CACNA2D1: variants seen among roughly 807,000 people sequenced by gnomAD.
The protein encoded by CACNA2D1 is calcium voltage-gated channel auxiliary subunit alpha2delta 1.
CACNA2D1 carries 53 observed loss-of-function variants against 171.5 expected under a neutral mutation model. The observed-to-expected ratio is 0.31, with a 90% CI of 0.25 to 0.39. CACNA2D1 has a LOEUF of 0.39. Ranked by LOEUF, CACNA2D1 falls within the 10% of genes least tolerant of loss-of-function variation. CACNA2D1 has a pLI of 1.00. For synonymous variants in CACNA2D1, 442 were observed against 443.1 expected, an observed-to-expected ratio of 1.00 and a Z score of 0.03; for missense variants, 903 against 1,299.8, an observed-to-expected ratio of 0.69 and a Z score of 4.69.
At chr7:82,019,061 TC>T (rs1400414560) in intron 12 of CACNA2D1, among the ~76,000 whole-genome samples, 3 of 151,782 alleles carry the variant, frequency 2.0e-5, no homozygotes, top group Non-Finnish European at 4.4e-5. Context: ...GTGGCTCATG[TC>T]TGTAATTCCA....
At chr7:82,207,350 T>A (rs968563381) in intron 3 of CACNA2D1, among the ~76,000 whole-genome samples, 1 of 152,230 alleles carries the variant, frequency 6.6e-6, no homozygotes, top group East Asian at 1.9e-4. Flanking sequence ...CTGTAATATG[T>A]CTTTTTCTTA....
At chr7:82,100,133 CT>C (rs1486050824) in intron 6 of CACNA2D1, among the ~76,000 whole-genome samples, 1 of 151,866 alleles carries the variant, frequency 6.6e-6, no homozygotes, top group Non-Finnish European at 1.5e-5. Context: ...CTGCAAAAAC[CT>C]TATATAATTT....
chr7:82,359,867 A>G (rs1820888160), intron 1 of CACNA2D1, among the ~76,000 whole-genome samples: 1 of 152,180 alleles, frequency 6.6e-6, no homozygotes, highest in African/African-American at 2.4e-5. Flanking sequence ...AACAGGTAAT[A>G]TCTATTGAGC....
chr7:81,985,196 CTTTTTTTTTT>C (rs774555240), intron 21 of CACNA2D1, among the ~76,000 whole-genome samples: 4 of 104,178 alleles, frequency 3.8e-5, no homozygotes, highest in East Asian at 5.4e-4. Context: ...ATTATCATTA[CTTTTTTTTTT>C]TTTTTTTTTT....
intron 24 of CACNA2D1, 121 bp from the exon 25 acceptor site, chr7:81,974,673 T>A: frequency 1.6e-6 from 1 of 608,248 alleles, no homozygotes. Flanking sequence ...ACTATTGAGC[T>A]TCTTGTTACT....
intron 1 of CACNA2D1, among the ~76,000 whole-genome samples, chr7:82,426,172 T>C (rs1249538187): frequency 8.6e-6 from 1 of 116,532 alleles, no homozygotes; most frequent in Non-Finnish European, 1.7e-5. Context: ...AATAAATAAA[T>C]AAATAAATAC....
chr7:82,235,501 C>G (rs551010873), intron 3 of CACNA2D1, among the ~76,000 whole-genome samples: 6 of 152,234 alleles, frequency 3.9e-5, no homozygotes, highest in African/African-American at 1.4e-4. Flanking sequence ...AATTTCCAGT[C>G]GCTCATGCCA....
chr7:82,402,068 G>T (rs1019373338), intron 1 of CACNA2D1, among the ~76,000 whole-genome samples: 12 of 152,170 alleles, frequency 7.9e-5, no homozygotes, highest in African/African-American at 2.9e-4. Context: ...GCTACTAACT[G>T]ATTGACAAAA....
intron 18 of CACNA2D1, among the ~76,000 whole-genome samples, chr7:82,003,881 G>A (rs1798863952): frequency 6.6e-6 from 1 of 151,966 alleles, no homozygotes; most frequent in South Asian, 2.1e-4. Flanking sequence ...AAATAGCTGG[G>A]ATTATAGGCA....
In CACNA2D1 at chr7:81,946,683, A is replaced by T. The variant is rs1792074840; in HGVS notation, c.*3709T>A. On this transcript the variant is annotated 3_prime_UTR_variant, in exon 39 of 39. Transcript: ENST00000356860. ...GAATGCACACCATTTTAATAAAAGT[A>T]TTCCTAAAAGCATGATCCGACACTC... The T allele has an allele frequency of 6.6e-6, 1 of 152,252 alleles. No individual in the cohort carries two copies. The highest frequency in any genetic ancestry group is 1.5e-5 in the Non-Finnish European group (1 of 67,996). 9.4% of individuals were successfully genotyped at this position (152,252 alleles called of 1,614,324 possible). A position where few individuals can be genotyped will look rare whatever the true frequency, so the allele number is the denominator to read the frequency against.
intron 1 of CACNA2D1, among the ~76,000 whole-genome samples, chr7:82,369,273 A>AATAC (rs1563441279): frequency 2.0e-5 from 3 of 152,010 alleles, no homozygotes; most frequent in Non-Finnish European, 4.4e-5. Context: ...TTAAGTGTTT[A>AATAC]ATGAATTAAT....
At chr7:82,258,715 C>G (rs764626998) in intron 3 of CACNA2D1, among the ~76,000 whole-genome samples, 6 of 151,614 alleles carry the variant, frequency 4.0e-5, no homozygotes, top group Non-Finnish European at 5.9e-5. Context: ...TCAATAATCA[C>G]TTATCTGACC....
intron 3 of CACNA2D1, among the ~76,000 whole-genome samples, chr7:82,179,732 C>T (rs1337218124): frequency 6.6e-6 from 1 of 152,076 alleles, no homozygotes; most frequent in Non-Finnish European, 1.5e-5. Flanking sequence ...CACAATTTCT[C>T]AACTATAAAA....
chr7:81,960,752 G>T (rs1048225670), intron 36 of CACNA2D1, among the ~76,000 whole-genome samples: 1 of 151,992 alleles, frequency 6.6e-6, no homozygotes, highest in Non-Finnish European at 1.5e-5. Context: ...TGCTCTTGCT[G>T]GATGTCAATT....
chr7:82,330,284 T>G (rs965285018), intron 3 of CACNA2D1, among the ~76,000 whole-genome samples: 1 of 152,146 alleles, frequency 6.6e-6, no homozygotes, highest in East Asian at 1.9e-4. Flanking sequence ...AATTGACTTT[T>G]TATTCAAAAA....
intron 6 of CACNA2D1, among the ~76,000 whole-genome samples, chr7:82,110,349 A>G (rs1475358265): frequency 6.6e-6 from 1 of 152,150 alleles, no homozygotes; most frequent in Non-Finnish European, 1.5e-5. Flanking sequence ...ATGAGAAAAG[A>G]GCTTGCTCGC....
At chr7:82,375,062 C>T (rs1031692621) in intron 1 of CACNA2D1, among the ~76,000 whole-genome samples, 1 of 152,138 alleles carries the variant, frequency 6.6e-6, no homozygotes, top group Non-Finnish European at 1.5e-5. Flanking sequence ...CCAAAAATAT[C>T]ATATTGGATC....
chr7:82,115,556 A>C (rs1398933739), intron 6 of CACNA2D1, among the ~76,000 whole-genome samples: 1 of 151,876 alleles, frequency 6.6e-6, no homozygotes, highest in Non-Finnish European at 1.5e-5. Context: ...TACACATACA[A>C]CGTTTCTATT....
intron 3 of CACNA2D1, among the ~76,000 whole-genome samples, chr7:82,324,481 A>G (rs1264942211): frequency 6.6e-6 from 1 of 152,076 alleles, no homozygotes; most frequent in African/African-American, 2.4e-5. Context: ...TGCGGTAGAG[A>G]GTATAGCACA....
Sources: allele counts gnomAD v4.1 joint callset (sites outside exome capture counted in the v4.1 genomes callset), GRCh38; gene constraint gnomAD v4.1.1; transcripts MANE v1.5; gene names NCBI Gene and HGNC (gene_info 2026-07-23, HGNC 2026-07-21).